The following FAM3B variants were observed in gnomAD, a reference collection of about 807,000 sequenced individuals.
FAM3B encodes FAM3 metabolism regulating signaling molecule B.
In FAM3B, 29 loss-of-function variants were observed where a neutral mutation model predicts 28.4. That is an observed-to-expected ratio of 1.02 (90% CI 0.76 to 1.39). The LOEUF (loss-of-function observed/expected upper bound fraction) is 1.39. Among genes scored for constraint, FAM3B ranks in the 40% most tolerant of loss-of-function variants. The pLI, the probability that FAM3B is intolerant of heterozygous loss-of-function variation, is 0.00. For synonymous variants in FAM3B, 91 were observed against 103.0 expected, an observed-to-expected ratio of 0.88 and a Z score of 0.71; for missense variants, 266 against 293.9, an observed-to-expected ratio of 0.91 and a Z score of 0.69.
At chr21:41,314,763 A>T (rs75669722), upstream of FAM3B, among the ~76,000 whole-genome samples, 7 of 38,518 alleles carry the variant, frequency 1.8e-4, no homozygotes, top group African/African-American at 1.6e-3. Flanking sequence ...GGCTACTATT[A>T]AAAAAAAAAA....
intron 2 of FAM3B, among the ~76,000 whole-genome samples, chr21:41,324,226 T>G (rs1457984640): frequency 6.6e-6 from 1 of 152,224 alleles, no homozygotes; most frequent in African/African-American, 2.4e-5. Context: ...AAGATTTGTC[T>G]AAAAGCAAAA....
At chr21:41,316,495 G>A (rs1335848160), upstream of FAM3B, among the ~76,000 whole-genome samples, 1 of 152,190 alleles carries the variant, frequency 6.6e-6, no homozygotes, top group African/African-American at 2.4e-5. Flanking sequence ...TTTCCTCTTG[G>A]GAGACATTAA....
chr21:41,321,333 G>A (rs971000098), intron 1 of FAM3B, among the ~76,000 whole-genome samples: 1 of 152,202 alleles, frequency 6.6e-6, no homozygotes, highest in Non-Finnish European at 1.5e-5. Flanking sequence ...GGCTGTGTAG[G>A]GGAGAGCACC....
intron 7 of FAM3B, among the ~76,000 whole-genome samples, chr21:41,354,181 T>G (rs2089144456): frequency 6.6e-6 from 1 of 152,144 alleles, no homozygotes; most frequent in Admixed American, 6.5e-5. Flanking sequence ...GCTTTTACAC[T>G]GCTGGTGGAA....
intron 4 of FAM3B, among the ~76,000 whole-genome samples, chr21:41,345,132 C>T (rs1435440501): frequency 6.6e-6 from 1 of 151,870 alleles, no homozygotes; most frequent in Admixed American, 6.6e-5. Context: ...CTGAAGGAGG[C>T]TGTAAAGTAG....
intron 1 of FAM3B, among the ~76,000 whole-genome samples, chr21:41,304,494 C>T (rs1338610909): frequency 6.6e-6 from 1 of 152,208 alleles, no homozygotes; most frequent in Non-Finnish European, 1.5e-5. Context: ...TCGCAGACAG[C>T]CCCCAACTCC....
chr21:41,348,542 C>T lies in FAM3B; in HGVS notation c.486-50C>T, dbSNP rs201519611. 8.5e-5 allele frequency: 137 copies of T among 1,611,430 alleles called. No individual in the cohort carries two copies. In the East Asian group the frequency reaches 2.6e-3, roughly 31 times the overall value. ...ACACATCCAGAGCAGAGTTCCTCTC[C>T]TCTCCACGTCTCCCTGAGATGCTCA... On this transcript the variant is annotated intron_variant, in intron 6 of 7. Transcript: ENST00000357985.
chr21:41,329,311 G>C (rs761320100), intron 2 of FAM3B, among the ~76,000 whole-genome samples: 11 of 152,206 alleles, frequency 7.2e-5, no homozygotes, highest in Admixed American at 1.3e-4. Flanking sequence ...TGATTAGTGT[G>C]ATGTAATCTC....
intron 1 of FAM3B, among the ~76,000 whole-genome samples, chr21:41,306,581 C>T (rs2088684233): frequency 6.6e-6 from 1 of 152,146 alleles, no homozygotes; most frequent in Admixed American, 6.5e-5. Context: ...CTTGGGTGAC[C>T]AGGTGATTGT....
intron 2 of FAM3B, among the ~76,000 whole-genome samples, chr21:41,328,804 G>A (rs1401424671): frequency 6.6e-6 from 1 of 152,210 alleles, no homozygotes; most frequent in Non-Finnish European, 1.5e-5. Flanking sequence ...AGGGGAGCCA[G>A]CCTGCAGGGT....
chr21:41,325,775 G>T (rs1299118265), intron 2 of FAM3B, among the ~76,000 whole-genome samples: 1 of 152,142 alleles, frequency 6.6e-6, no homozygotes, highest in Non-Finnish European at 1.5e-5. Context: ...TATTCCTGTG[G>T]TTACAGCATA....
At chr21:41,336,202 G>T (rs184931081) in intron 2 of FAM3B, among the ~76,000 whole-genome samples, 1 of 152,162 alleles carries the variant, frequency 6.6e-6, no homozygotes, top group Non-Finnish European at 1.5e-5. Flanking sequence ...CTAGCACCCT[G>T]ACCTTGGATT....
At chr21:41,340,754 C>T (rs1051032618) in intron 3 of FAM3B, among the ~76,000 whole-genome samples, 19 of 152,112 alleles carry the variant, frequency 1.2e-4, no homozygotes, top group African/African-American at 4.3e-4. Flanking sequence ...CAGAAATCAA[C>T]ATTATGTTTG....
intron 7 of FAM3B, among the ~76,000 whole-genome samples, chr21:41,349,512 A>G (rs1039059801): frequency 2.0e-5 from 3 of 152,322 alleles, no homozygotes; most frequent in East Asian, 3.9e-4. Context: ...AAATTCCCAG[A>G]AAGCAGAGAT....
At chr21:41,311,807 T>C (rs922960277), upstream of FAM3B, among the ~76,000 whole-genome samples, 1 of 152,174 alleles carries the variant, frequency 6.6e-6, no homozygotes, top group Non-Finnish European at 1.5e-5. Flanking sequence ...TGTGTATTAG[T>C]CCATTTTCAC....
intron 7 of FAM3B, among the ~76,000 whole-genome samples, chr21:41,352,415 G>A (rs919227345): frequency 6.7e-6 from 1 of 149,190 alleles, no homozygotes; most frequent in African/African-American, 2.5e-5. Context: ...CCTTCCCTGA[G>A]AAAGAAAGGG....
chr21:41,314,762 T>TA (rs34615145), upstream of FAM3B, among the ~76,000 whole-genome samples: 75 of 147,390 alleles, frequency 5.1e-4, 1 homozygote, highest in South Asian at 3.4e-3. Flanking sequence ...AGGCTACTAT[T>TA]AAAAAAAAAA....
chr21:41,338,540 A>G (rs749806815), intron 3 of FAM3B, 39 bp downstream of exon 3: 4 of 1,611,076 alleles, frequency 2.5e-6, no homozygotes, highest in Admixed American at 1.7e-5. Flanking sequence ...AAGCGATCCT[A>G]CTGATTCTTG....
chr21:41,324,136 A>G (rs1001357511), intron 2 of FAM3B, among the ~76,000 whole-genome samples: 1 of 152,170 alleles, frequency 6.6e-6, no homozygotes, highest in Non-Finnish European at 1.5e-5. Context: ...AGGTTCCAAC[A>G]TATGAATTTC....
Sources: gnomAD v4.1 joint callset for allele counts (sites outside exome capture counted in the v4.1 genomes callset) on GRCh38, gnomAD v4.1.1 for gene constraint, MANE v1.5 for transcripts, NCBI Gene and HGNC (gene_info 2026-07-23, HGNC 2026-07-21) for gene names.